CRTC1: variants seen among roughly 807,000 people sequenced by gnomAD.
CRTC1 encodes the protein CREB regulated transcription coactivator 1, also known as CREB-regulated transcription coactivator 1.
In CRTC1, 18 loss-of-function variants were observed where a neutral mutation model predicts 66.1. The ratio of observed to expected loss-of-function variants is 0.27; its 90% CI spans 0.19 to 0.40. The LOEUF is 0.40. Among genes scored for constraint, CRTC1 ranks in the 10% least tolerant of loss-of-function variants. CRTC1 has a pLI of 1.00. For synonymous variants in CRTC1, 416 were observed against 398.8 expected, an observed-to-expected ratio of 1.04 and a Z score of -0.51; for missense variants, 669 against 887.9, an observed-to-expected ratio of 0.75 and a Z score of 3.13.
chr19:18,703,963 C>A (rs2053204378), intron 1 of CRTC1, among the ~76,000 whole-genome samples: 1 of 152,162 alleles, frequency 6.6e-6, no homozygotes, highest in East Asian at 1.9e-4. Context: ...CTCAATGTCT[C>A]CTCATCATCC....
rs914594704 is a variant in CRTC1 at position 18,771,626 on chromosome 19, C to T, written c.1425+80C>T. Reference sequence around the variant, plus strand: ...GCCCCGTGTGTTCCCTGCCCACTGTCTGTCCTCATGCATCGCTCCTCATGC... The same window carrying T: ...GCCCCGTGTGTTCCCTGCCCACTGTTTGTCCTCATGCATCGCTCCTCATGC... On this transcript the variant is annotated intron_variant, in intron 11 of 13. Transcript: ENST00000321949. This position sits in a 1 kb window ranked among gnomAD's most constrained non-coding sequence, Gnocchi z 4.6. 1 of 1,086,842 alleles carries T rather than the reference C, an allele frequency of 9.2e-7. No homozygotes were observed. The highest frequency in any genetic ancestry group is 1.4e-6 in the Non-Finnish European group (1 of 725,792). The allele number at this position is 1,086,842 out of a possible 1,614,324, so 67.3% of individuals were successfully genotyped here.
Position 18,781,448 on chromosome 19 carries a change from C to T in CRTC1, c.*4066C>T, listed in dbSNP as rs1235040067. On this transcript the variant is annotated 3_prime_UTR_variant, in exon 14 of 14. Transcript: ENST00000321949. ...CTCCACCTGAGCCAAGTGTCCTGTT[C>T]CCTGCGGCCCTTGGCCTTCCAGGGT... The T allele has an allele frequency of 4.3e-6, 1 of 230,360 alleles. No individual in the cohort carries two copies. The highest frequency in any genetic ancestry group is 8.6e-6 in the Non-Finnish European group (1 of 116,348). 14.3% of individuals were successfully genotyped at this position (230,360 alleles called of 1,614,324 possible). A position where few individuals can be genotyped will look rare whatever the true frequency, so the allele number is the denominator to read the frequency against.
At chr19:18,745,567 C>T (rs1319771616) in intron 2 of CRTC1, among the ~76,000 whole-genome samples, 1 of 152,196 alleles carries the variant, frequency 6.6e-6, no homozygotes, top group African/African-American at 2.4e-5. Context: ...CTGGCCTGTG[C>T]ATGCCAGCTG....
At chr19:18,706,805 G>A (rs2053277559) in intron 1 of CRTC1, among the ~76,000 whole-genome samples, 1 of 152,158 alleles carries the variant, frequency 6.6e-6, no homozygotes, top group African/African-American at 2.4e-5. Flanking sequence ...TTGGAGAAAT[G>A]TTTATTCAAG....
At chr19:18,734,737 CTCCAAGCTGTG>C (rs1199383108) in intron 1 of CRTC1, among the ~76,000 whole-genome samples, 5 of 152,164 alleles carry the variant, frequency 3.3e-5, no homozygotes, top group Non-Finnish European at 5.9e-5. Flanking sequence ...GGCCTTGCTG[CTCCAAGCTGTG>C]TTCCCACACA....
At chr19:18,703,216 A>T (rs1377402130) in intron 1 of CRTC1, among the ~76,000 whole-genome samples, 1 of 151,870 alleles carries the variant, frequency 6.6e-6, no homozygotes, top group Non-Finnish European at 1.5e-5. Flanking sequence ...CTCGGTCAGG[A>T]TAGAGACGGG....
At chr19:18,737,914 A>G (rs916602060) in intron 1 of CRTC1, among the ~76,000 whole-genome samples, 19 of 152,302 alleles carry the variant, frequency 1.2e-4, no homozygotes, top group Non-Finnish European at 2.1e-4. Context: ...GCTTTATTGT[A>G]AGAATACAGT....
intron 4 of CRTC1, among the ~76,000 whole-genome samples, chr19:18,748,642 G>A (rs1156981414): frequency 6.7e-6 from 1 of 149,580 alleles, no homozygotes; most frequent in Non-Finnish European, 1.5e-5. Context: ...TGAGGATGCA[G>A]TGAGCTATGA....
In CRTC1 at chr19:18,775,629, C is replaced by T. The variant is rs2054970232; in HGVS notation, c.1513-12C>T. 1 of 1,559,562 alleles carries T rather than the reference C, an allele frequency of 6.4e-7. No homozygotes were observed. Among genetic ancestry groups the T allele is most frequent in the Admixed American group, 1.9e-5 (1 of 53,256 alleles). ...CGGTGGCCCTCACAGCCTGGTGTGC[C>T]TCCCTTCCCAGCTGGAGCAGTTCAA... is the stretch of plus-strand genomic sequence containing the variant. On this transcript the variant is annotated splice_polypyrimidine_tract_variant and intron_variant, in intron 12 of 13. Coordinates refer to ENST00000321949, the MANE Select transcript of CRTC1 (RefSeq NM_015321.3).
intron 1 of CRTC1, among the ~76,000 whole-genome samples, chr19:18,723,019 C>T (rs2053662917): frequency 6.6e-6 from 1 of 152,078 alleles, no homozygotes; most frequent in Non-Finnish European, 1.5e-5. Flanking sequence ...CGGCTCACTA[C>T]ATCCTCTGCC....
intron 1 of CRTC1, among the ~76,000 whole-genome samples, chr19:18,704,785 T>A (rs1340796971): frequency 2.6e-5 from 4 of 152,152 alleles, no homozygotes; most frequent in Non-Finnish European, 5.9e-5. Context: ...TGCAGTTCAG[T>A]GGCATTTAGT....
At chr19:18,728,785 G>A (rs1242699995) in intron 1 of CRTC1, among the ~76,000 whole-genome samples, 1 of 146,060 alleles carries the variant, frequency 6.8e-6, no homozygotes, top group African/African-American at 2.6e-5. Context: ...CAAAGTTCTG[G>A]GATTACAGGT....
intron 8 of CRTC1, among the ~76,000 whole-genome samples, chr19:18,762,077 G>A (rs1326989645): frequency 2.6e-5 from 4 of 152,206 alleles, no homozygotes; most frequent in Non-Finnish European, 4.4e-5. Context: ...GAAGGTCAGC[G>A]CTGGGGCTGC....
intron 1 of CRTC1, among the ~76,000 whole-genome samples, chr19:18,689,564 C>CATATATATATATAT (rs10616884): frequency 3.1e-4 from 12 of 38,336 alleles, no homozygotes; most frequent in African/African-American, 3.1e-3. Context: ...AATTGATGGC[C>CATATATATATATAT]ATATATATAT....
At chr19:18,694,718 G>A (rs1196798930) in intron 1 of CRTC1, among the ~76,000 whole-genome samples, 1 of 152,176 alleles carries the variant, frequency 6.6e-6, no homozygotes, top group Non-Finnish European at 1.5e-5. Context: ...TTACAGGTGT[G>A]AGTCACTGCG....
intron 1 of CRTC1, among the ~76,000 whole-genome samples, chr19:18,703,248 T>G (rs969770698): frequency 1.9e-4 from 29 of 152,070 alleles, no homozygotes; most frequent in Non-Finnish European, 2.8e-4. Context: ...TTAGCCAGGA[T>G]GGTCTCAATC....
intron 1 of CRTC1, among the ~76,000 whole-genome samples, chr19:18,737,142 G>A (rs1032225787): frequency 1.3e-5 from 2 of 152,034 alleles, no homozygotes; most frequent in African/African-American, 2.4e-5. Context: ...GTGGACGTGG[G>A]CACAGACAGA....
intron 1 of CRTC1, among the ~76,000 whole-genome samples, chr19:18,694,258 G>A (rs2052928531): frequency 1.5e-5 from 2 of 135,092 alleles, no homozygotes; most frequent in Non-Finnish European, 3.0e-5. Flanking sequence ...CTATGATCAC[G>A]CCACTTCACT....
intron 8 of CRTC1, among the ~76,000 whole-genome samples, chr19:18,764,441 G>A (rs1178362040): frequency 1.3e-5 from 2 of 152,220 alleles, no homozygotes; most frequent in Non-Finnish European, 2.9e-5. Flanking sequence ...GCCATCGAGG[G>A]GCCTGTTGCC....
Sources: gnomAD v4.1 joint callset for allele counts (sites outside exome capture counted in the v4.1 genomes callset) on GRCh38, gnomAD v4.1.1 for gene constraint, Gnocchi (gnomAD v3.1) non-coding constraint, MANE v1.5 for transcripts, NCBI Gene and HGNC (gene_info 2026-07-23, HGNC 2026-07-21) for gene names.